Variants in TDRD9 observed in about 807,000 individuals in gnomAD.
TDRD9 encodes the protein ATP-dependent RNA helicase TDRD9.
TDRD9 carries 124 observed loss-of-function variants against 172.6 expected under a neutral mutation model. The ratio of observed to expected loss-of-function variants is 0.72; its 90% CI spans 0.62 to 0.83. The LOEUF (loss-of-function observed/expected upper bound fraction) is 0.83. Ranked by LOEUF, TDRD9 falls within the 40% of genes least tolerant of loss-of-function variation. The pLI is 0.00. For missense variants in TDRD9, 1,479 were observed against 1,714.1 expected (o/e 0.86, Z 2.42); for synonymous variants, 619 against 617.1 (o/e 1.00, Z -0.05).
intron 24 of TDRD9, among the ~76,000 whole-genome samples, 191 bp from the exon 25 acceptor site, chr14:104,024,378 G>A (rs953459180): frequency 1.3e-5 from 2 of 152,088 alleles, no homozygotes; most frequent in African/African-American, 4.8e-5. Flanking sequence ...CCCTTCCAGA[G>A]CTCTTCAAAA....
At chr14:104,004,090 T>G in intron 13 of TDRD9, 148 bp from the exon 14 acceptor site, 1 of 452,416 alleles carries the variant, frequency 2.2e-6, no homozygotes. Flanking sequence ...AATACACTAA[T>G]GTATTCTAAA....
chr14:104,043,391 CCACCATGCCCAG>C (rs1026742264), intron 34 of TDRD9, among the ~76,000 whole-genome samples: 1 of 152,068 alleles, frequency 6.6e-6, no homozygotes, highest in African/African-American at 2.4e-5. Flanking sequence ...CAGGCACCCA[CCACCATGCCCAG>C]CTAATTTTTA....
chr14:104,006,278 T>G, intron 15 of TDRD9, 111 bp from the exon 16 acceptor site: 1 of 829,892 alleles, frequency 1.2e-6, no homozygotes, highest in Non-Finnish European at 1.9e-6. Context: ...TGACTTAGAA[T>G]GTTATTCACC....
chr14:104,019,929 G>A (rs2152236888), intron 23 of TDRD9, among the ~76,000 whole-genome samples: 1 of 152,352 alleles, frequency 6.6e-6, no homozygotes, highest in Admixed American at 6.5e-5. Context: ...GACGTCGGAG[G>A]GTTGTGAGGC....
rs2035275853 is a variant in TDRD9, at chr14:104,031,410, A to G, written c.3438+147A>G. Reference sequence around the variant, plus strand: ...TTCTCACAATTGATCCTCTTATAATAATAAGAAAAAACCCTGGGGTTTAGT... The same window carrying G: ...TTCTCACAATTGATCCTCTTATAATGATAAGAAAAAACCCTGGGGTTTAGT... On this transcript the variant is annotated intron_variant, in intron 29 of 35. Transcript: ENST00000409874. 3 of 668,678 alleles carry G rather than the reference A, an allele frequency of 4.5e-6. No individual in the cohort carries two copies. The South Asian group carries it at 7.1e-5, about 16-fold the overall frequency. The allele number at this position is 668,678 out of a possible 1,614,324, so 41.4% of individuals were successfully genotyped here. A position where few individuals can be genotyped will look rare whatever the true frequency, so the allele number is the denominator to read the frequency against.
Position 103,954,176 on chromosome 14 carries a change from T to C in TDRD9, c.216-1488T>C, listed in dbSNP as rs117697350. Among the ~76,000 whole-genome samples, 32 of 152,360 alleles carry C rather than the reference T, an allele frequency of 2.1e-4. 1 individual carries two copies. The East Asian group carries it at 5.2e-3, about 25-fold the overall frequency. ...TTCTGGACATGTTTATCTATTGGCA[T>C]GAATAGAGCCATGACACTTTCAAAA... On this transcript the variant is annotated intron_variant, in intron 1 of 35. Coordinates refer to ENST00000409874, the MANE Select transcript of TDRD9 (RefSeq NM_153046.3).
At chr14:104,012,431 A>C (rs1008381970) in intron 20 of TDRD9, among the ~76,000 whole-genome samples, 3 of 151,286 alleles carry the variant, frequency 2.0e-5, no homozygotes, top group Non-Finnish European at 4.4e-5. Flanking sequence ...ATTTTCAGAG[A>C]GCTTACTCTT....
Position 104,031,114 on chromosome 14 carries a change from C to T in TDRD9, c.3289C>T (p.His1097Tyr), listed in dbSNP as rs2035266687. Residue 1097 changes from histidine (H) to tyrosine (Y), a missense_variant, in exon 29 of 36, where the codon CAT becomes TAT. This residue lies in a region of TDRD9 where 1,413 missense variants were observed against 1,649.1 expected (regional missense o/e 0.86). Coordinates refer to ENST00000409874, the MANE Select transcript of TDRD9 (RefSeq NM_153046.3). ...ACTTTTCTTGTTTGTTCAGCAAAGC[C>T]ATGAAGTTCTCAAGGGCCTCTTTTC... ...TEESYESKQS[H>Y]EVLKGLFSKS... 3.9e-6 allele frequency: 6 copies of T among 1,549,162 alleles called. No homozygotes were observed. In the South Asian group the frequency reaches 4.8e-5, roughly 12 times the overall value.
At chr14:103,999,968 A>G (rs991385756) in intron 13 of TDRD9, among the ~76,000 whole-genome samples, 80 of 152,092 alleles carry the variant, frequency 5.3e-4, no homozygotes, top group Non-Finnish European at 9.9e-4. Context: ...CCTTTTTGTT[A>G]TATCACCTCT....
chr14:104,020,970 T>C (rs1457719233), intron 23 of TDRD9, among the ~76,000 whole-genome samples: 1 of 152,046 alleles, frequency 6.6e-6, no homozygotes, highest in Non-Finnish European at 1.5e-5. Context: ...AGAGGGCATT[T>C]ATCAATATTA....
intron 2 of TDRD9, 85 bp from the exon 3 acceptor site, chr14:103,962,992 GTA>G: frequency 3.8e-5 from 26 of 692,784 alleles, no homozygotes; most frequent in Non-Finnish European, 4.4e-5. Context: ...GTGTGTGTGT[GTA>G]TGCTGTATCT....
intron 1 of TDRD9, among the ~76,000 whole-genome samples, chr14:103,944,281 GC>G (rs1217418036): frequency 6.6e-6 from 1 of 152,000 alleles, no homozygotes; most frequent in Non-Finnish European, 1.5e-5. Flanking sequence ...AGGCCACGTT[GC>G]CCCCTGACGC....
At chr14:104,003,350 A>T (rs771817353) in intron 13 of TDRD9, among the ~76,000 whole-genome samples, 1 of 152,216 alleles carries the variant, frequency 6.6e-6, no homozygotes, top group African/African-American at 2.4e-5. Flanking sequence ...AACAAAAGAC[A>T]AAGGGTAGAT....
intron 1 of TDRD9, among the ~76,000 whole-genome samples, chr14:103,930,474 C>T (rs1344972386): frequency 1.3e-5 from 2 of 152,114 alleles, no homozygotes; most frequent in Non-Finnish European, 2.9e-5. Context: ...CCGTGCCTGG[C>T]TTTATTTTTC....
intron 2 of TDRD9, among the ~76,000 whole-genome samples, chr14:103,959,235 G>C (rs1021861640): frequency 3.3e-5 from 5 of 152,112 alleles, no homozygotes; most frequent in African/African-American, 1.2e-4. Context: ...CAGGGTGAGG[G>C]AGGAGGCCAC....
At chr14:103,928,754 G>A in intron 1 of TDRD9, 30 bp downstream of exon 1, 1 of 954,924 alleles carries the variant, frequency 1.0e-6, no homozygotes, top group African/African-American at 1.7e-5. Flanking sequence ...GAGGCGGCTG[G>A]AGGGCGGCCG....
At chr14:104,044,447 T>C (rs2035705693) in intron 34 of TDRD9, among the ~76,000 whole-genome samples, 1 of 152,212 alleles carries the variant, frequency 6.6e-6, no homozygotes, top group Non-Finnish European at 1.5e-5. Flanking sequence ...GATCGAAAGT[T>C]CCCCCTGTCC....
In TDRD9 at chr14:103,928,526, C is replaced by G; in HGVS notation, c.17C>G (p.Thr6Ser). 7.1e-7 allele frequency: 1 copy of G among 1,415,228 alleles called. No homozygotes were observed. The highest frequency in any genetic ancestry group is 3.2e-5 in the East Asian group (1 of 30,916). 87.7% of individuals were successfully genotyped at this position (1,415,228 alleles called of 1,614,324 possible). ...GCCTTGAGGATGCTGCGGAAGCTCACCATCGAGCAGATCAACGACTGGTTC... is the reference window on the plus strand; with the variant it reads ...GCCTTGAGGATGCTGCGGAAGCTCAGCATCGAGCAGATCAACGACTGGTTC... MLRKL[T>S]IEQINDWFTI... The change falls in exon 1 of 36, where the codon ACC becomes AGC. Residue 6 changes from threonine to serine, a missense_variant. Physicochemically the swap from Thr to Ser is moderately conservative, Grantham distance 58. Coordinates refer to ENST00000409874, the MANE Select transcript of TDRD9 (RefSeq NM_153046.3).
chr14:103,931,785 G>A (rs1231745837), intron 1 of TDRD9, among the ~76,000 whole-genome samples: 1 of 152,152 alleles, frequency 6.6e-6, no homozygotes, highest in Non-Finnish European at 1.5e-5. Flanking sequence ...GTCTGAGTGG[G>A]CCCAGTCTGA....
Sources: gnomAD v4.1 joint callset for allele counts (sites outside exome capture counted in the v4.1 genomes callset) on GRCh38, gnomAD v4.1.1 for gene constraint, gnomAD v4.1.1 regional missense constraint, MANE v1.5 for transcripts, NCBI Gene and HGNC (gene_info 2026-07-23, HGNC 2026-07-21) for gene names.